The following AGL variants were observed in gnomAD, a reference collection of about 807,000 sequenced individuals.
The protein encoded by AGL is amylo-alpha-1,6-glucosidase and 4-alpha-glucanotransferase.
AGL carries 128 observed loss-of-function variants against 199.3 expected under a neutral mutation model. The observed-to-expected ratio is 0.64, with a 90% confidence interval of 0.56 to 0.74. The LOEUF (loss-of-function observed/expected upper bound fraction) is 0.74. Among genes scored for constraint, AGL ranks in the 30% least tolerant of loss-of-function variants. AGL has a pLI of 0.00. For synonymous variants in AGL, 584 were observed against 594.7 expected (o/e 0.98, Z 0.26); for missense variants, 1,809 against 1,820.8 (o/e 0.99, Z 0.12).
intron 27 of AGL, 118 bp downstream of exon 27, chr1:99,902,912 T>A: frequency 2.5e-6 from 2 of 797,204 alleles, no homozygotes; most frequent in Non-Finnish European, 4.2e-6. Flanking sequence ...TTAAAAAGAT[T>A]AACATAGTTC....
In AGL at chr1:99,877,844, T is replaced by G. The variant is rs1207383881; in HGVS notation, c.1611+16T>G. The G allele has an allele frequency of 1.9e-6, 3 of 1,611,834 alleles. No homozygotes were observed. The highest frequency in any genetic ancestry group is 2.5e-6 in the Non-Finnish European group (3 of 1,178,216). On this transcript the variant is annotated intron_variant, in intron 12 of 33. Coordinates refer to ENST00000361915, the MANE Select transcript of AGL (RefSeq NM_000642.3). ...CGTAGCTGAGGTACAGAAAAACAATTTATCTACATTAAGAAAAGAAATTCA... is the reference window on the plus strand; with the variant it reads ...CGTAGCTGAGGTACAGAAAAACAATGTATCTACATTAAGAAAAGAAATTCA...
chr1:99,880,104 A>G, intron 13 of AGL, 58 bp downstream of exon 13: 1 of 1,608,346 alleles, frequency 6.2e-7, no homozygotes, highest in Non-Finnish European at 8.5e-7. Context: ...AAGTAGATTA[A>G]AGGATTTAAT....
At chr1:99,858,752 TGA>T (rs1008292993) in intron 2 of AGL, among the ~76,000 whole-genome samples, 2 of 152,096 alleles carry the variant, frequency 1.3e-5, no homozygotes, top group Non-Finnish European at 2.9e-5. Flanking sequence ...ACATTTTCAC[TGA>T]GAGATATTAT....
At position 99,910,056 on chromosome 1, in the gene AGL, C is replaced by T. The variant is rs181445766; in HGVS notation, c.3701-656C>T. Among the ~76,000 whole-genome samples the T allele has an allele frequency of 9.3e-4, 141 of 152,136 alleles. No homozygotes were observed. The Middle Eastern group carries it at 0.034, about 37-fold the overall frequency. On this transcript the variant is annotated intron_variant, in intron 27 of 33. Coordinates refer to ENST00000361915, the MANE Select transcript of AGL (RefSeq NM_000642.3). ...TTATCTTACTATATATGTCCTTTTG[C>T]AACTTGTTTTATTCAATCATTTTGT...
chr1:99,870,929 A>AGTTTTCCCTTTATAAT, intron 7 of AGL, 60 bp downstream of exon 7: 1 of 1,066,728 alleles, frequency 9.4e-7, no homozygotes, highest in Non-Finnish European at 1.4e-6. Context: ...TTATAAAGGG[A>AGTTTTCCCTTTATAAT]AAACTCTCTT....
At chr1:99,849,824 C>A (rs1036672065), upstream of AGL, among the ~76,000 whole-genome samples, 1 of 152,262 alleles carries the variant, frequency 6.6e-6, no homozygotes, top group East Asian at 1.9e-4. Context: ...ACCATTCAGC[C>A]CTTCCCAGCA....
intron 26 of AGL, 151 bp downstream of exon 26, chr1:99,901,012 A>G (rs1435664644): frequency 2.5e-5 from 19 of 748,060 alleles, no homozygotes; most frequent in Non-Finnish European, 3.9e-5. Context: ...CTGGTACTAT[A>G]AGTGATTGGT....
chr1:99,867,649 G>A (rs373844972), intron 5 of AGL, among the ~76,000 whole-genome samples: 14 of 151,328 alleles, frequency 9.3e-5, no homozygotes, highest in South Asian at 2.1e-4. Context: ...TCCACCTCCC[G>A]GGTTCAAGCG....
At chr1:99,912,647 T>A in intron 29 of AGL, 130 bp downstream of exon 29, 1 of 735,936 alleles carries the variant, frequency 1.4e-6, no homozygotes, top group Non-Finnish European at 2.2e-6. Context: ...GAAAATTCAT[T>A]AATTTACTAG....
At chr1:99,906,226 T>C (rs567730990) in intron 27 of AGL, among the ~76,000 whole-genome samples, 1 of 152,322 alleles carries the variant, frequency 6.6e-6, no homozygotes, top group East Asian at 1.9e-4. Flanking sequence ...AGCGGAATCA[T>C]ACAGTCTTTG....
intron 2 of AGL, among the ~76,000 whole-genome samples, chr1:99,860,482 AAAG>A (rs1557745548): frequency 6.6e-6 from 1 of 152,204 alleles, no homozygotes; most frequent in African/African-American, 2.4e-5. Context: ...TAATAATTAT[AAAG>A]AAGGTTTAAA....
Position 99,875,203 on chromosome 1 carries a change from A to G in AGL, c.1132A>G (p.Met378Val). The change falls in exon 9 of 34, where the codon ATG becomes GTG. Residue 378 changes from methionine (M) to valine (V), a missense_variant. By Grantham distance (21) the Met-to-Val change is conservative. Coordinates refer to ENST00000361915, the MANE Select transcript of AGL (RefSeq NM_000642.3). Reference protein sequence around the residue: ...EECCNWFHKRMEELNSEKHRL... With the variant: ...EECCNWFHKRVEELNSEKHRL... ...ATGCTGTAATTGGTTTCATAAAAGA[A>G]TGGAGGAATTAAATTCAGAGAAGCA... The G allele has an allele frequency of 6.2e-7, 1 of 1,614,186 alleles. No homozygotes were observed.
At position 99,876,133 on chromosome 1, in the gene AGL, C is replaced by T. The variant is rs139450793; in HGVS notation, c.1284-325C>T. On this transcript the variant is annotated intron_variant, in intron 10 of 33. Transcript: ENST00000361915. ...CAGGTAATCCCCCTGCCTCGGCCTC[C>T]GAAAGTTCTAGGATTACAGGCATGA... Among the ~76,000 whole-genome samples, 465 of 152,270 alleles carry T rather than the reference C, an allele frequency of 3.1e-3. 4 individuals are homozygous for T. The highest frequency in any genetic ancestry group is 0.011 in the African/African-American group (452 of 41,552).
rs77649354 is a variant in AGL at position 99,883,017 on chromosome 1, T to G, written c.2309-1103T>G. Among the ~76,000 whole-genome samples the G allele has an allele frequency of 9.1e-4, 139 of 152,286 alleles. 3 individuals are homozygous for G. The East Asian group carries it at 0.023, about 25-fold the overall frequency. On this transcript the variant is annotated intron_variant, in intron 17 of 33. Coordinates refer to ENST00000361915, the MANE Select transcript of AGL (RefSeq NM_000642.3). ...GTGTACAATATTATCTCAGGTTTTG[T>G]TTTGGTCACAGATCATTCTTAAAAC...
intron 5 of AGL, 23 bp from the exon 6 acceptor site, chr1:99,870,377 T>C (rs1650885719): frequency 2.5e-6 from 4 of 1,607,502 alleles, no homozygotes; most frequent in Non-Finnish European, 3.4e-6. Flanking sequence ...GAGATACTCC[T>C]TTGTGTCTCC....
rs1426348584 is a variant in AGL at position 99,869,551 on chromosome 1, C to T, written c.665-849C>T. 2.0e-5 allele frequency among the ~76,000 whole-genome samples: 3 copies of T among 152,186 alleles called. No individual in the cohort carries two copies. In the East Asian group the frequency reaches 5.8e-4, roughly 29 times the overall value. ...GTATGACTTGGGCTGAGTTACTTAA[C>T]TCTCTGTGCTTCAGTTTCTCTTTTG... On this transcript the variant is annotated intron_variant, in intron 5 of 33. Transcript: ENST00000361915.
chr1:99,881,760 T>C (rs1652051389), intron 17 of AGL, 69 bp downstream of exon 17: 1 of 1,290,416 alleles, frequency 7.7e-7, no homozygotes, highest in Non-Finnish European at 1.1e-6. Context: ...TGTAATGTTA[T>C]GGTTATATAT....
chr1:99,903,288 C>T (rs966239509), intron 27 of AGL, among the ~76,000 whole-genome samples: 7 of 152,068 alleles, frequency 4.6e-5, no homozygotes, highest in South Asian at 2.1e-4. Context: ...CTCCCCCATC[C>T]CCCCACTCCA....
At chr1:99,890,033 A>C (rs1398030928) in intron 21 of AGL, among the ~76,000 whole-genome samples, 1 of 152,170 alleles carries the variant, frequency 6.6e-6, no homozygotes, top group Non-Finnish European at 1.5e-5. Context: ...GAATCCAGGA[A>C]TCCATTTTGG....
Sources: allele counts gnomAD v4.1 joint callset (sites outside exome capture counted in the v4.1 genomes callset), GRCh38; gene constraint gnomAD v4.1.1; transcripts MANE v1.5; gene names NCBI Gene and HGNC (gene_info 2026-07-23, HGNC 2026-07-21).